The following SNAP91 variants were observed in gnomAD, a reference collection of about 807,000 sequenced individuals.
SNAP91 encodes the protein clathrin coat assembly protein AP180.
SNAP91 carries 27 observed loss-of-function variants against 100.3 expected under a neutral mutation model. That is an observed-to-expected ratio of 0.27 (90% confidence interval 0.20 to 0.37). SNAP91 has a LOEUF of 0.37. Among genes scored for constraint, SNAP91 ranks in the 10% least tolerant of loss-of-function variants. The pLI, the probability that SNAP91 is intolerant of heterozygous loss-of-function variation, is 1.00. For synonymous variants in SNAP91, 404 were observed against 398.6 expected, an observed-to-expected ratio of 1.01 and a Z score of -0.16; for missense variants, 986 against 1,123.7, an observed-to-expected ratio of 0.88 and a Z score of 1.75.
Position 83,607,678 on chromosome 6 carries a change from A to G in SNAP91, c.1022+21T>C. 1.4e-6 allele frequency: 2 copies of G among 1,401,096 alleles called. 1 individual carries two copies. The highest frequency in any genetic ancestry group is 2.5e-5 in the South Asian group (2 of 79,384). The allele number at this position is 1,401,096 out of a possible 1,614,324, so 86.8% of individuals were successfully genotyped here. A position where few individuals can be genotyped will look rare whatever the true frequency, so the allele number is the denominator to read the frequency against. On this transcript the variant is annotated intron_variant, in intron 13 of 29. Transcript: ENST00000369694. Reference sequence around the variant, plus strand: ...CTAATAAAATATTAATAAACAGTTAACTGCATATTTATTTACCAACCTGAC... The same window carrying G: ...CTAATAAAATATTAATAAACAGTTAGCTGCATATTTATTTACCAACCTGAC...
At chr6:83,572,527 C>A (rs572495280) in intron 26 of SNAP91, among the ~76,000 whole-genome samples, 1 of 152,278 alleles carries the variant, frequency 6.6e-6, no homozygotes, top group South Asian at 2.1e-4. Context: ...GCTGGGATTA[C>A]AGGCATGAGC....
chr6:83,567,692 A>G (rs1209597920), intron 26 of SNAP91, among the ~76,000 whole-genome samples: 1 of 152,246 alleles, frequency 6.6e-6, no homozygotes, highest in Non-Finnish European at 1.5e-5. Context: ...TGGGTGAAGG[A>G]TATGAATAGA....
intron 26 of SNAP91, among the ~76,000 whole-genome samples, chr6:83,567,977 C>G (rs553290364): frequency 9.9e-5 from 15 of 151,852 alleles, no homozygotes; most frequent in East Asian, 1.9e-4. Context: ...CCATTTGACC[C>G]AGCCATCCCA....
At chr6:83,635,617 T>G (rs1190778633) in intron 8 of SNAP91, among the ~76,000 whole-genome samples, 1 of 151,964 alleles carries the variant, frequency 6.6e-6, no homozygotes, top group African/African-American at 2.4e-5. Flanking sequence ...GTACATCTTT[T>G]TTTTTAATCC....
chr6:83,667,604 A>G (rs543895883), intron 2 of SNAP91, among the ~76,000 whole-genome samples: 1 of 152,166 alleles, frequency 6.6e-6, no homozygotes, highest in Non-Finnish European at 1.5e-5. Flanking sequence ...TGAATTTTAA[A>G]AAACTGTCCC....
rs182280347 is a variant in SNAP91, at chr6:83,614,036, C to A, written c.884+821G>T. Among the ~76,000 whole-genome samples, 6 of 152,222 alleles carry A rather than the reference C, an allele frequency of 3.9e-5. No homozygotes were observed. The East Asian group carries it at 1.2e-3, about 29-fold the overall frequency. ...ATGAACACAGCAAATGTCCATATTT[C>A]TTTCCAAGATGTTAACAGGAAGCTG... On this transcript the variant is annotated intron_variant, in intron 11 of 29. Transcript: ENST00000369694.
intron 8 of SNAP91, among the ~76,000 whole-genome samples, chr6:83,637,855 T>C (rs776157504): frequency 1.3e-5 from 2 of 152,216 alleles, no homozygotes; most frequent in African/African-American, 4.8e-5. Context: ...GGCAGTGTGC[T>C]TGAGTCCCAG....
chr6:83,627,023 C>A (rs217343), intron 8 of SNAP91, among the ~76,000 whole-genome samples: 2 of 151,790 alleles, frequency 1.3e-5, no homozygotes, highest in African/African-American at 4.8e-5. Context: ...TTTTGAAGTA[C>A]GTTCCTTCAA....
intron 22 of SNAP91, among the ~76,000 whole-genome samples, chr6:83,585,223 G>A (rs1375274789): frequency 6.6e-6 from 1 of 152,082 alleles, no homozygotes; most frequent in East Asian, 1.9e-4. Flanking sequence ...TAAGAAAGAC[G>A]TTTAGCTGGG....
intron 26 of SNAP91, among the ~76,000 whole-genome samples, chr6:83,562,475 T>C (rs1216975114): frequency 6.6e-6 from 1 of 152,214 alleles, no homozygotes; most frequent in Non-Finnish European, 1.5e-5. Flanking sequence ...TCAGCATCTA[T>C]TTTGGATACA....
At chr6:83,698,888 G>A (rs1289265405) in intron 2 of SNAP91, among the ~76,000 whole-genome samples, 3 of 152,138 alleles carry the variant, frequency 2.0e-5, no homozygotes, top group Non-Finnish European at 4.4e-5. Context: ...CTTAACATAT[G>A]ACTCATCATG....
At chr6:83,615,025 A>G (rs2096396252) in intron 10 of SNAP91, among the ~76,000 whole-genome samples, 163 bp from the exon 11 acceptor site, 1 of 152,246 alleles carries the variant, frequency 6.6e-6, no homozygotes, top group African/African-American at 2.4e-5. Context: ...TAAAGGAAAA[A>G]GAAAAATTAT....
In SNAP91 at chr6:83,560,206, A is replaced by G; in HGVS notation, c.2529T>C (p.Pro843=). The G allele has an allele frequency of 6.2e-7, 1 of 1,612,852 alleles. No individual in the cohort carries two copies. The highest frequency in any genetic ancestry group is 8.5e-7 in the Non-Finnish European group (1 of 1,179,016). Residue 843 remains proline, a splice_region_variant and synonymous_variant, in exon 28 of 30, where the codon CCT becomes CCC. Coordinates refer to ENST00000369694, the MANE Select transcript of SNAP91 (RefSeq NM_001242792.2). ...TCATGGGCATGCCTGTCCCAGCAGG[A>G]GGCTGAGGAGGAAGAATGGAGAGTG... ...VGQPGAGFGM[P]PAGTGMPMMP... is the part of the protein sequence containing the mutation.
At chr6:83,625,572 A>G (rs1220281035) in intron 8 of SNAP91, among the ~76,000 whole-genome samples, 2 of 151,994 alleles carry the variant, frequency 1.3e-5, no homozygotes, top group Non-Finnish European at 2.9e-5. Flanking sequence ...AATAATATCT[A>G]TTCTGACTGG....
intron 9 of SNAP91, among the ~76,000 whole-genome samples, chr6:83,622,725 T>C (rs911398678): frequency 1.2e-4 from 18 of 152,082 alleles, no homozygotes; most frequent in African/African-American, 4.3e-4. Flanking sequence ...GATAAAATGA[T>C]TGATACAGAA....
In SNAP91 at chr6:83,707,999, A is replaced by T. The variant is rs555348573; in HGVS notation, c.-30-42T>A. On this transcript the variant is annotated intron_variant, in intron 1 of 29. Transcript: ENST00000369694. ...GAGACGGTCCGGCTTTAATCCGCAG[A>T]CCCTACCCTCCAAGCACCCAGGCCT... 4.1e-5 allele frequency: 60 copies of T among 1,470,280 alleles called. 1 individual carries two copies. The South Asian group carries it at 7.7e-4, about 19-fold the overall frequency. 91.1% of individuals were successfully genotyped at this position (1,470,280 alleles called of 1,614,324 possible). A position where few individuals can be genotyped will look rare whatever the true frequency, so the allele number is the denominator to read the frequency against.
chr6:83,567,359 T>C (rs573056859), intron 26 of SNAP91, among the ~76,000 whole-genome samples: 59 of 152,340 alleles, frequency 3.9e-4, no homozygotes, highest in African/African-American at 1.4e-3. Context: ...TAATTCAAGA[T>C]GGATTAAAGA....
At chr6:83,627,071 T>C (rs2096963416) in intron 8 of SNAP91, among the ~76,000 whole-genome samples, 1 of 151,992 alleles carries the variant, frequency 6.6e-6, no homozygotes, top group Admixed American at 6.6e-5. Context: ...TGAAGGGAGG[T>C]TGGATTTTAC....
intron 14 of SNAP91, 79 bp from the exon 15 acceptor site, chr6:83,601,678 C>T (rs1032725801): frequency 2.9e-6 from 4 of 1,360,686 alleles, no homozygotes; most frequent in Non-Finnish European, 4.2e-6. Context: ...AATGTCCAAG[C>T]CAGATAAGGC....
Sources: gnomAD v4.1 joint callset for allele counts (sites outside exome capture counted in the v4.1 genomes callset) on GRCh38, gnomAD v4.1.1 for gene constraint, MANE v1.5 for transcripts, NCBI Gene and HGNC (gene_info 2026-07-23, HGNC 2026-07-21) for gene names.